Variants in CTBP2 observed in about 807,000 individuals in gnomAD.
The protein encoded by CTBP2 is C-terminal-binding protein 2.
In CTBP2, 30 loss-of-function variants were observed where a neutral mutation model predicts 80.3. The ratio of observed to expected loss-of-function variants is 0.37; its 90% confidence interval spans 0.28 to 0.51. CTBP2 has a LOEUF of 0.51. Ranked by LOEUF, CTBP2 falls within the 20% of genes least tolerant of loss-of-function variation. The pLI is 0.93. For synonymous variants in CTBP2, 594 were observed against 587.4 expected, an observed-to-expected ratio of 1.01 and a Z score of -0.16; for missense variants, 1,212 against 1,375.3, an observed-to-expected ratio of 0.88 and a Z score of 1.88.
chr10:125,089,108 T>C (rs552600196), intron 2 of CTBP2, among the ~76,000 whole-genome samples: 2 of 152,374 alleles, frequency 1.3e-5, no homozygotes, highest in African/African-American at 4.8e-5. Flanking sequence ...TTGTCACTTA[T>C]GCCTCAAAAC....
intron 1 of CTBP2, among the ~76,000 whole-genome samples, chr10:125,142,361 T>C (rs1388707996): frequency 6.6e-6 from 1 of 152,116 alleles, no homozygotes; most frequent in Admixed American, 6.5e-5. Context: ...ATTACAAATG[T>C]CCTGGAAATT....
Position 124,984,642 on chromosome 10 carries a change from A to T in CTBP2, c.*4876T>A. The T allele has an allele frequency of 1.1e-6, 1 of 874,954 alleles. No homozygotes were observed. The highest frequency in any genetic ancestry group is 1.7e-5 in the African/African-American group (1 of 59,114). 54.2% of individuals were successfully genotyped at this position (874,954 alleles called of 1,614,324 possible). On this transcript the variant is annotated 3_prime_UTR_variant, in exon 9 of 9. Coordinates refer to ENST00000309035, the MANE Select transcript of CTBP2 (RefSeq NM_022802.3). ...AATCACAAAACTTCCAAGAGGTCAA[A>T]ACCATGTGAAAAGTTGATTGCTTTG...
At chr10:125,078,295 A>C (rs768102950) in intron 2 of CTBP2, among the ~76,000 whole-genome samples, 37 of 130,386 alleles carry the variant, frequency 2.8e-4, no homozygotes, top group Non-Finnish European at 6.3e-4. Context: ...AAAAAAAAAA[A>C]AAAAACCTTT....
upstream of CTBP2, among the ~76,000 whole-genome samples, chr10:125,029,849 C>T (rs1031772829): frequency 4.6e-5 from 7 of 152,128 alleles, no homozygotes; most frequent in African/African-American, 1.7e-4. Context: ...TACCCGGTAG[C>T]GCCTAAGAAA....
At chr10:125,043,857 T>G (rs1437985190) in intron 2 of CTBP2, among the ~76,000 whole-genome samples, 2 of 152,220 alleles carry the variant, frequency 1.3e-5, no homozygotes, top group East Asian at 3.8e-4. Flanking sequence ...TTCTCTCAAA[T>G]CCAGTTAAAC....
At chr10:125,151,049 C>A (rs1859756353) in intron 1 of CTBP2, among the ~76,000 whole-genome samples, 1 of 152,010 alleles carries the variant, frequency 6.6e-6, no homozygotes, top group Non-Finnish European at 1.5e-5. Context: ...CGCAACAACA[C>A]ACAATGGCCC....
At chr10:125,040,835 C>T (rs1223088770) in intron 2 of CTBP2, among the ~76,000 whole-genome samples, 3 of 152,078 alleles carry the variant, frequency 2.0e-5, no homozygotes, top group African/African-American at 7.2e-5. Flanking sequence ...AAAAGGCATC[C>T]GAAAGATTTA....
intron 8 of CTBP2, among the ~76,000 whole-genome samples, chr10:124,990,908 G>C (rs2134070019): frequency 6.6e-6 from 1 of 152,312 alleles, no homozygotes; most frequent in South Asian, 2.1e-4. Flanking sequence ...CAGACTTCCA[G>C]CCTCCAGAAC....
chr10:125,055,949 G>C (rs1963816130), intron 2 of CTBP2, among the ~76,000 whole-genome samples: 1 of 152,098 alleles, frequency 6.6e-6, no homozygotes, highest in African/African-American at 2.4e-5. Context: ...GGCAGATCAT[G>C]AGTCCAGGAG....
chr10:125,035,970 GA>G (rs1958823516), intron 3 of CTBP2, among the ~76,000 whole-genome samples: 2 of 152,128 alleles, frequency 1.3e-5, no homozygotes, highest in South Asian at 4.1e-4. Flanking sequence ...GAAAAAAAAG[GA>G]ACAATTATAA....
chr10:125,122,656 C>T (rs1854531577), intron 1 of CTBP2: 1 of 152,208 alleles, frequency 6.6e-6, no homozygotes, highest in Admixed American at 6.5e-5. Flanking sequence ...ACAAAACTCA[C>T]AAGGTGAAGG....
chr10:125,069,895 C>CA (rs71029236), intron 2 of CTBP2, among the ~76,000 whole-genome samples: 46,821 of 141,308 alleles, frequency 0.33, 8,077 homozygotes, highest in Middle Eastern at 0.45. Flanking sequence ...CCTCCCCCCC[C>CA]CACACAAACC....
chr10:125,099,389 G>A (rs1312776589), intron 2 of CTBP2, among the ~76,000 whole-genome samples: 1 of 152,162 alleles, frequency 6.6e-6, no homozygotes, highest in East Asian at 1.9e-4. Flanking sequence ...ACCATTCTGG[G>A]CCCTCCAGAT....
At chr10:125,137,864 GGCTC>G (rs1351849121) in intron 1 of CTBP2, 1 of 152,162 alleles carries the variant, frequency 6.6e-6, no homozygotes, top group Non-Finnish European at 1.5e-5. Flanking sequence ...ATCGAGGTAA[GGCTC>G]ACAAAACATC....
chr10:125,040,170 C>G (rs1341441369), intron 2 of CTBP2, among the ~76,000 whole-genome samples: 1 of 152,100 alleles, frequency 6.6e-6, no homozygotes, highest in Non-Finnish European at 1.5e-5. Flanking sequence ...CTTAATGAAT[C>G]TTGGCCAGGC....
chr10:125,055,016 G>GTCT (rs1382467807), intron 2 of CTBP2, among the ~76,000 whole-genome samples: 1 of 152,122 alleles, frequency 6.6e-6, no homozygotes, highest in Non-Finnish European at 1.5e-5. Flanking sequence ...GCACCCTGGG[G>GTCT]TCTCCACTCT....
Position 125,026,537 on chromosome 10 carries a change from C to A in CTBP2, c.1223G>T (p.Ser408Ile), listed in dbSNP as rs1253147740. The A allele has an allele frequency of 6.3e-7, 1 of 1,585,872 alleles. No homozygotes were observed. Residue 408 changes from serine to isoleucine, a missense_variant, in exon 1 of 9, where the codon AGC becomes ATC. Ser to Ile is a moderately radical substitution (Grantham distance 142). Transcript: ENST00000309035. The stretch of plus-strand genomic sequence containing the variant: ...CTCCAGGAGGTGCTGAGATGGTGCG[C>A]TGGAGGGACGGCGAGCCGGGTCTCC...
chr10:125,101,241 G>A (rs531268537), intron 2 of CTBP2, among the ~76,000 whole-genome samples: 2 of 152,310 alleles, frequency 1.3e-5, no homozygotes, highest in South Asian at 4.1e-4. Flanking sequence ...CCGTGTTCCC[G>A]GCCTCTCCCA....
intron 2 of CTBP2, among the ~76,000 whole-genome samples, chr10:125,083,003 G>A (rs1383969453): frequency 6.6e-6 from 1 of 152,114 alleles, no homozygotes; most frequent in African/African-American, 2.4e-5. Context: ...AGCACACCAA[G>A]CAAGATTTAA....
Sources: allele counts gnomAD v4.1 joint callset (sites outside exome capture counted in the v4.1 genomes callset), GRCh38; gene constraint gnomAD v4.1.1; transcripts MANE v1.5; gene names NCBI Gene and HGNC (gene_info 2026-07-23, HGNC 2026-07-21).